Variants in EVI5L observed in about 807,000 individuals in gnomAD.
The protein encoded by EVI5L is EVI5-like protein.
A neutral mutation model predicts 106.1 loss-of-function variants in EVI5L; 30 were observed. The observed-to-expected ratio is 0.28, with a 90% CI of 0.21 to 0.38. EVI5L has a LOEUF of 0.38. EVI5L is among the 10% of genes least tolerant of loss of function. EVI5L has a pLI of 1.00. For synonymous variants in EVI5L, 489 were observed against 483.3 expected, an observed-to-expected ratio of 1.01 and a Z score of -0.15; for missense variants, 809 against 1,098.0, an observed-to-expected ratio of 0.74 and a Z score of 3.72.
Position 7,830,263 on chromosome 19 carries a change from C to A in EVI5L, c.-166C>A. On this transcript the variant is annotated 5_prime_UTR_variant, in exon 1 of 20. Transcript: ENST00000538904. Reference sequence around the variant, plus strand: ...CGGCGGAGCCGGCGGCGGCCGCGGTCCCGGGGGGCGGCTGAGGGGGCCGGG... The same window carrying A: ...CGGCGGAGCCGGCGGCGGCCGCGGTACCGGGGGGCGGCTGAGGGGGCCGGG... 2 of 151,914 alleles carry A rather than the reference C, an allele frequency of 1.3e-5. No homozygotes were observed. The highest frequency in any genetic ancestry group is 3.5e-4 in the South Asian group (2 of 5,650). The allele number at this position is 151,914 out of a possible 1,614,324, so 9.4% of individuals were successfully genotyped here.
At position 7,863,788 on chromosome 19, in the gene EVI5L, C is replaced by T. The variant is rs936015356; in HGVS notation, c.*86C>T. ...CGCGTTCTGCTCCCCACCTGCCGCA[C>T]TTGACAAACTACGCGCCCTCTGTGG... is the stretch of plus-strand genomic sequence containing the variant. On this transcript the variant is annotated 3_prime_UTR_variant, in exon 20 of 20. Transcript: ENST00000538904. The surrounding 1 kb of genome is among the most constrained non-coding windows in gnomAD (Gnocchi z 7.7). 2 of 1,407,614 alleles carry T rather than the reference C, an allele frequency of 1.4e-6. No homozygotes were observed. Among genetic ancestry groups the T allele is most frequent in the African/African-American group, 3.0e-5 (2 of 66,770 alleles). The allele number at this position is 1,407,614 out of a possible 1,614,324, so 87.2% of individuals were successfully genotyped here.
rs1979091167 is a variant in EVI5L at position 7,848,882 on chromosome 19, G to A, written c.328-39G>A. On this transcript the variant is annotated intron_variant, in intron 3 of 19. Transcript: ENST00000538904. The surrounding 1 kb of genome is among the most constrained non-coding windows in gnomAD (Gnocchi z 4.8). ...GGGTGGCCACGGGGAGGCTGCGCTG[G>A]GACCGAGTCCAGCCCCCGCTTCCCG... is the stretch of plus-strand genomic sequence containing the variant. 6.3e-7 allele frequency: 1 copy of A among 1,588,022 alleles called. No individual in the cohort carries two copies. The highest frequency in any genetic ancestry group is 8.6e-7 in the Non-Finnish European group (1 of 1,163,722).
chr19:7,846,947 G>A (rs1173464163), intron 2 of EVI5L, among the ~76,000 whole-genome samples: 1 of 152,242 alleles, frequency 6.6e-6, no homozygotes, highest in Non-Finnish European at 1.5e-5. Context: ...CAGGACTGGA[G>A]GAAGAGTCGA....
chr19:7,861,664 G>T (rs1979803245), intron 14 of EVI5L, among the ~76,000 whole-genome samples: 1 of 152,150 alleles, frequency 6.6e-6, no homozygotes, highest in Admixed American at 6.5e-5. Context: ...GTGAGAGTAG[G>T]TGCTGTTACT....
chr19:7,861,098 C>CTTGG (rs1979779486), intron 14 of EVI5L, among the ~76,000 whole-genome samples: 1 of 152,194 alleles, frequency 6.6e-6, no homozygotes, highest in Non-Finnish European at 1.5e-5. Context: ...TGCTCTCTGA[C>CTTGG]TTGGCATCGA....
intron 1 of EVI5L, among the ~76,000 whole-genome samples, chr19:7,838,962 C>G (rs904479386): frequency 2.6e-5 from 4 of 151,374 alleles, no homozygotes; most frequent in African/African-American, 9.7e-5. Flanking sequence ...TACCAGTGCA[C>G]TCCAGCCTGG....
intron 1 of EVI5L, among the ~76,000 whole-genome samples, chr19:7,840,748 T>C (rs1408986761): frequency 6.6e-6 from 1 of 152,046 alleles, no homozygotes; most frequent in Non-Finnish European, 1.5e-5. Flanking sequence ...CATCTCTCAC[T>C]GAGCACCTTG....
At chr19:7,841,654 T>G (rs11666198) in intron 1 of EVI5L, among the ~76,000 whole-genome samples, 53,886 of 151,992 alleles carry the variant, frequency 0.35, 10,357 homozygotes, top group South Asian at 0.65. Flanking sequence ...CCCCTTCAGA[T>G]GGCTGAGGAG....
At chr19:7,840,260 C>G (rs1978542459) in intron 1 of EVI5L, among the ~76,000 whole-genome samples, 1 of 152,208 alleles carries the variant, frequency 6.6e-6, no homozygotes, top group South Asian at 2.1e-4. Context: ...GAGTGAATCA[C>G]TTGAGGTCAG....
Position 7,862,579 on chromosome 19 carries a change from G to GTGGCACCGCCCCCGC in EVI5L, c.1947+45_1947+46insTGGCACCGCCCCCGC, listed in dbSNP as rs1979871088. 5.9e-6 allele frequency: 8 copies of GTGGCACCGCCCCCGC among 1,364,112 alleles called. No homozygotes were observed. In the South Asian group the frequency reaches 1.0e-4, roughly 18 times the overall value. 84.5% of individuals were successfully genotyped at this position (1,364,112 alleles called of 1,614,324 possible). A position where few individuals can be genotyped will look rare whatever the true frequency, so the allele number is the denominator to read the frequency against. ...CGCCCTGCCCGTGGCACCGCCCCCGGACGCGCCCCTACATGAGGCCCCGCC... is the reference window on the plus strand; with the variant it reads ...CGCCCTGCCCGTGGCACCGCCCCCGGTGGCACCGCCCCCGCACGCGCCCCTACATGAGGCCCCGCC... On this transcript the variant is annotated intron_variant, in intron 17 of 19. Transcript: ENST00000538904.
chr19:7,849,228 C>A, intron 4 of EVI5L, 28 bp from the exon 5 acceptor site: 1 of 1,614,008 alleles, frequency 6.2e-7, no homozygotes, highest in Non-Finnish European at 8.5e-7. Flanking sequence ...ACGGCGGGAC[C>A]CTGCTCTCAG....
Position 7,858,199 on chromosome 19 carries a change from G to C in EVI5L, c.1242G>C (p.Val414=). 6.4e-7 allele frequency: 1 copy of C among 1,562,904 alleles called. No individual in the cohort carries two copies. The highest frequency in any genetic ancestry group is 2.4e-5 in the East Asian group (1 of 42,246). The change falls in exon 13 of 20, where the codon GTG becomes GTC. Residue 414 remains valine, a synonymous_variant. Coordinates refer to ENST00000538904, the MANE Select transcript of EVI5L (RefSeq NM_001159944.3). This position sits in a 1 kb window ranked among gnomAD's most constrained non-coding sequence, Gnocchi z 5.7. ...GTCCTCGCTGTTCTCAGGGGCAAGT[G>C]ACACGGGCGCAGGAGGCGGAGGAGA... ...ALADRLIQGQ[V]TRAQEAEENY...
Position 7,845,452 on chromosome 19 carries a change from A to G in EVI5L, c.-47-1044A>G, listed in dbSNP as rs563118442. Among the ~76,000 whole-genome samples the G allele has an allele frequency of 5.9e-5, 9 of 152,312 alleles. No individual in the cohort carries two copies. The highest frequency in any genetic ancestry group is 1.9e-4 in the African/African-American group (8 of 41,570). On this transcript the variant is annotated intron_variant, in intron 1 of 19. Coordinates refer to ENST00000538904, the MANE Select transcript of EVI5L (RefSeq NM_001159944.3). This position sits in a 1 kb window ranked among gnomAD's most constrained non-coding sequence, Gnocchi z 4.0. ...CAGGAGCCCTGGCTCCAGGATGGAC[A>G]GTGATAGCCGATGTCCGTGGGGCCA...
chr19:7,842,910 A>ATG (rs1361208098), intron 1 of EVI5L, among the ~76,000 whole-genome samples: 1 of 151,386 alleles, frequency 6.6e-6, no homozygotes, highest in Non-Finnish European at 1.5e-5. Context: ...GAGTGTGTGC[A>ATG]TGTGTGTGTG....
chr19:7,861,929 C>T lies in EVI5L; in HGVS notation c.1555C>T (p.Leu519=), dbSNP rs1423614071. ...CAATGTGGCGCAGCTGCAGGAGGAG[C>T]TGAAGGCGCTCAAGGTGCGGGAAGG... ...ENNVAQLQEE[L]KALKVREGQA... Residue 519 remains leucine (L), a synonymous_variant, in exon 15 of 20, where the codon CTG becomes TTG. Coordinates refer to ENST00000538904, the MANE Select transcript of EVI5L (RefSeq NM_001159944.3). The T allele has an allele frequency of 7.7e-6, 12 of 1,550,386 alleles. No homozygotes were observed. In the Admixed American group the frequency reaches 1.4e-4, roughly 18 times the overall value.
chr19:7,852,664 G>A (rs993399637), intron 8 of EVI5L: 12 of 207,950 alleles, frequency 5.8e-5, no homozygotes, highest in South Asian at 3.0e-4. Flanking sequence ...CGATCCTCCC[G>A]CCTCAGCCTC....
chr19:7,851,488 A>T lies in EVI5L; in HGVS notation c.808A>T (p.Met270Leu). 1 of 1,613,076 alleles carries T rather than the reference A, an allele frequency of 6.2e-7. No individual in the cohort carries two copies. Among genetic ancestry groups the T allele is most frequent in the Non-Finnish European group, 8.5e-7 (1 of 1,179,584 alleles). Residue 270 changes from methionine (M) to leucine (L), a missense_variant, in exon 7 of 20, where the codon ATG (methionine) becomes TTG (leucine). Around this residue, in one of 2 missense-constraint regions of EVI5L, gnomAD observed 357 missense variants for 588.1 expected, o/e 0.61. Transcript: ENST00000538904. ...HFRSQSFHTS[M>L]YASSWFLTLF... ...CCGTTCCCAAAGCTTCCACACATCC[A>T]TGTATGCCTCGTCCTGGTTCCTCAC...
intron 1 of EVI5L, among the ~76,000 whole-genome samples, chr19:7,846,010 T>G (rs959709719): frequency 1.3e-5 from 2 of 152,120 alleles, no homozygotes; most frequent in Admixed American, 6.5e-5. Context: ...CTTTGGTTGA[T>G]GAGATGGGGA....
rs1388769091 is a variant in EVI5L, at chr19:7,858,280, C to G, written c.1323C>G (p.Ala441=). 4 of 1,551,526 alleles carry G rather than the reference C, an allele frequency of 2.6e-6. No individual in the cohort carries two copies. The highest frequency in any genetic ancestry group is 2.4e-5 in the East Asian group (1 of 41,244). ...AVVRQQCSSA[A]EDLQKAQSTI... ...TGCGGCAGCAGTGCAGCTCGGCGGCCGAGGACCTGCAGAAGGCACAGAGCA... is the reference window on the plus strand; with the variant it reads ...TGCGGCAGCAGTGCAGCTCGGCGGCGGAGGACCTGCAGAAGGCACAGAGCA... The change falls in exon 13 of 20, where the codon GCC becomes GCG. Residue 441 remains alanine, a synonymous_variant. Coordinates refer to ENST00000538904, the MANE Select transcript of EVI5L (RefSeq NM_001159944.3). The surrounding 1 kb of genome is among the most constrained non-coding windows in gnomAD (Gnocchi z 5.7).
Sources: gnomAD v4.1 joint callset for allele counts (sites outside exome capture counted in the v4.1 genomes callset) on GRCh38, gnomAD v4.1.1 for gene constraint, gnomAD v4.1.1 regional missense constraint, Gnocchi (gnomAD v3.1) non-coding constraint, MANE v1.5 for transcripts, NCBI Gene and HGNC (gene_info 2026-07-23, HGNC 2026-07-21) for gene names.